SCAP: variants seen among roughly 807,000 people sequenced by gnomAD.
The protein encoded by SCAP is SREBF chaperone.
In SCAP, 65 loss-of-function variants were observed where a neutral mutation model predicts 123.6. The observed-to-expected ratio is 0.53, with a 90% CI of 0.43 to 0.65. The LOEUF (loss-of-function observed/expected upper bound fraction) is 0.65, where lower values mean the gene tolerates loss of function less well. SCAP is among the 30% of genes least tolerant of loss of function. The pLI, the probability that SCAP is intolerant of heterozygous loss-of-function variation, is 0.00. For synonymous variants in SCAP, 740 were observed against 726.3 expected, an observed-to-expected ratio of 1.02 and a Z score of -0.30; for missense variants, 1,398 against 1,712.5, an observed-to-expected ratio of 0.82 and a Z score of 3.24.
intron 1 of SCAP, among the ~76,000 whole-genome samples, chr3:47,445,664 C>G (rs1271479611): frequency 6.6e-6 from 1 of 151,778 alleles, no homozygotes; most frequent in Non-Finnish European, 1.5e-5. Flanking sequence ...CTCCGCCTTC[C>G]GGTGGTTCAA....
At chr3:47,424,127 TC>T in intron 8 of SCAP, 82 bp from the exon 9 acceptor site, 1 of 1,029,720 alleles carries the variant, frequency 9.7e-7, no homozygotes, top group Non-Finnish European at 1.5e-6. Flanking sequence ...CTGTGGGGTT[TC>T]CAGCCTGTCA....
rs1705808964 is a variant in SCAP, at chr3:47,419,786, G to A, written c.1564-82C>T. 1 of 1,466,166 alleles carries A rather than the reference G, an allele frequency of 6.8e-7. No individual in the cohort carries two copies. Among genetic ancestry groups the A allele is most frequent in the Admixed American group, 2.4e-5 (1 of 41,534 alleles). The allele number at this position is 1,466,166 out of a possible 1,614,324, so 90.8% of individuals were successfully genotyped here. On this transcript the variant is annotated intron_variant, in intron 12 of 22. Coordinates refer to ENST00000265565, the MANE Select transcript of SCAP (RefSeq NM_012235.4). This position sits in a 1 kb window ranked among gnomAD's most constrained non-coding sequence, Gnocchi z 5.0. ...TCAGCCCTCATGCTGAGAGGAAGCA[G>A]CACAGGGACCTCAGGCCTGGGGATG...
At chr3:47,452,318 G>A (rs1460815264) in intron 1 of SCAP, among the ~76,000 whole-genome samples, 1 of 152,162 alleles carries the variant, frequency 6.6e-6, no homozygotes, top group East Asian at 1.9e-4. Flanking sequence ...GAGCCCAGGA[G>A]TTTGATGCCA....
At chr3:47,434,290 G>C (rs771568085) in intron 3 of SCAP, among the ~76,000 whole-genome samples, 1 of 152,100 alleles carries the variant, frequency 6.6e-6, no homozygotes, top group African/African-American at 2.4e-5. Flanking sequence ...CGAATCCAGG[G>C]ACCACAGAAC....
chr3:47,447,836 G>A (rs995731463), intron 1 of SCAP, among the ~76,000 whole-genome samples: 11 of 151,506 alleles, frequency 7.3e-5, no homozygotes, highest in South Asian at 4.2e-4. Flanking sequence ...GTGAAACCCC[G>A]TCTCTATGAA....
chr3:47,442,013 T>C (rs952064787), intron 2 of SCAP, among the ~76,000 whole-genome samples: 3 of 150,940 alleles, frequency 2.0e-5, no homozygotes, highest in Non-Finnish European at 2.9e-5. Context: ...CCAAAGTTCA[T>C]CTTTCTTACT....
chr3:47,418,203 C>A lies in SCAP; in HGVS notation c.2378G>T (p.Cys793Phe). 6.3e-7 allele frequency: 1 copy of A among 1,575,264 alleles called. No homozygotes were observed. Among genetic ancestry groups the A allele is most frequent in the Non-Finnish European group, 8.6e-7 (1 of 1,161,136 alleles). Reference protein sequence around the residue: ...ASDGMLLVSCCLAGHVCVWDA... With the variant: ...ASDGMLLVSCFLAGHVCVWDA... The stretch of plus-strand genomic sequence containing the variant: ...CCACACGCAGACGTGGCCTGCCAGG[C>A]AGCAGCTCACCAGCAGCATGCCGTC... The change falls in exon 16 of 23, where the codon TGC becomes TTC. Residue 793 changes from cysteine to phenylalanine, a missense_variant. By Grantham distance (205) the Cys-to-Phe change is radical. Coordinates refer to ENST00000265565, the MANE Select transcript of SCAP (RefSeq NM_012235.4).
rs550800214 is a variant in SCAP at position 47,422,583 on chromosome 3, C to T, written c.1151-47G>A. 24 of 1,473,072 alleles carry T rather than the reference C, an allele frequency of 1.6e-5. No individual in the cohort carries two copies. The African/African-American group carries it at 1.7e-4, about 10-fold the overall frequency. 91.3% of individuals were successfully genotyped at this position (1,473,072 alleles called of 1,614,324 possible). A position where few individuals can be genotyped will look rare whatever the true frequency, so the allele number is the denominator to read the frequency against. On this transcript the variant is annotated intron_variant, in intron 9 of 22. Coordinates refer to ENST00000265565, the MANE Select transcript of SCAP (RefSeq NM_012235.4). Reference sequence around the variant, plus strand: ...CACAGGGCAACACATGGCCACTCTGCGACATGACTCACACAACCTCATGGG... The same window carrying T: ...CACAGGGCAACACATGGCCACTCTGTGACATGACTCACACAACCTCATGGG...
rs765676999 is a variant in SCAP, at chr3:47,420,740, C to T, written c.1377G>A (p.Glu459=). Residue 459 remains glutamate, a synonymous_variant, in exon 12 of 23, where the codon GAG becomes GAA. Transcript: ENST00000265565. This position sits in a 1 kb window ranked among gnomAD's most constrained non-coding sequence, Gnocchi z 5.0. ...CTGGCTTGGCTGAGGGCAGGCAGGC[C>T]TCAGGGGGCAGTCGCTTGTTCAGGT... is the stretch of plus-strand genomic sequence containing the variant. The part of the protein sequence containing the change: ...LADLNKRLPP[E]ACLPSAKPVG... 1.2e-6 allele frequency: 2 copies of T among 1,610,954 alleles called. No individual in the cohort carries two copies. The highest frequency in any genetic ancestry group is 1.7e-6 in the Non-Finnish European group (2 of 1,179,948).
chr3:47,431,300 C>T (rs1261231774), intron 3 of SCAP, among the ~76,000 whole-genome samples: 2 of 1,518 alleles, frequency 1.3e-3, no homozygotes, highest in East Asian at 0.12. Context: ...TCTTAATGTA[C>T]GTGAATTTTT....
Position 47,458,874 on chromosome 3 carries a change from C to T in SCAP, c.-98-15783G>A, listed in dbSNP as rs545011894. Among the ~76,000 whole-genome samples, 25 of 152,334 alleles carry T rather than the reference C, an allele frequency of 1.6e-4. No homozygotes were observed. In the South Asian group the frequency reaches 1.7e-3, roughly 10 times the overall value. ...AGGCTGACGTGCAACGGCGTGATCT[C>T]GGCTCACTGCAACCTCAGCCTCCTG... On this transcript the variant is annotated intron_variant, in intron 1 of 22. Transcript: ENST00000265565.
At chr3:47,433,712 C>T (rs1189988971) in intron 3 of SCAP, among the ~76,000 whole-genome samples, 3 of 151,928 alleles carry the variant, frequency 2.0e-5, no homozygotes, top group Non-Finnish European at 4.4e-5. Context: ...ACTAAAAATA[C>T]AAAAATTAGC....
chr3:47,443,304 T>TCC lies in SCAP; in HGVS notation c.-98-214_-98-213insGG, dbSNP rs1706891767. ...CTCTCTCTCTCTCTCTCTCTCTCTC[T>TCC]CTCTCTCCCTCCCCGCCCAACTCCC... On this transcript the variant is annotated intron_variant, in intron 1 of 22. Transcript: ENST00000265565. 3.6e-4 allele frequency: 69 copies of TCC among 191,284 alleles called. No individual in the cohort carries two copies. In the Middle Eastern group the frequency reaches 0.01, roughly 28 times the overall value. 11.8% of individuals were successfully genotyped at this position (191,284 alleles called of 1,614,324 possible).
intron 1 of SCAP, among the ~76,000 whole-genome samples, chr3:47,444,445 T>G (rs570682265): frequency 6.6e-5 from 10 of 152,298 alleles, no homozygotes; most frequent in African/African-American, 2.2e-4. Context: ...AGCAGAAGCG[T>G]TAAGCGCACA....
In SCAP at chr3:47,419,648, G is replaced by T; in HGVS notation, c.1620C>A (p.Arg540=). 1 of 1,564,360 alleles carries T rather than the reference G, an allele frequency of 6.4e-7. No individual in the cohort carries two copies. Residue 540 remains arginine, a synonymous_variant, in exon 13 of 23, where the codon CGC becomes CGA. Coordinates refer to ENST00000265565, the MANE Select transcript of SCAP (RefSeq NM_012235.4). The surrounding 1 kb of genome is among the most constrained non-coding windows in gnomAD (Gnocchi z 5.0). ...CCGTCACCTGGGCAGCGAGGTAGTT[G>T]CGCAGCCCTGCTGGGTCTGTGTATA... ...ILVYTDPAGL[R]NYLAAQVTEQ... is the part of the protein sequence containing the mutation.
chr3:47,459,839 G>A (rs1707563437), intron 1 of SCAP, among the ~76,000 whole-genome samples: 1 of 152,058 alleles, frequency 6.6e-6, no homozygotes, highest in South Asian at 2.1e-4. Context: ...AATTTACCAG[G>A]GCGGAGTTTC....
intron 1 of SCAP, among the ~76,000 whole-genome samples, chr3:47,445,770 C>G (rs1707013545): frequency 6.6e-6 from 1 of 151,636 alleles, no homozygotes; most frequent in African/African-American, 2.4e-5. Flanking sequence ...TGGGGTTTCA[C>G]CATGTTGGCC....
chr3:47,434,463 T>C (rs572019069), intron 3 of SCAP, among the ~76,000 whole-genome samples: 1 of 152,180 alleles, frequency 6.6e-6, no homozygotes, highest in East Asian at 1.9e-4. Context: ...TTTATATCAG[T>C]GTTCGGCCCA....
chr3:47,463,442 C>G (rs574763827), intron 1 of SCAP, among the ~76,000 whole-genome samples: 1 of 152,220 alleles, frequency 6.6e-6, no homozygotes, highest in Non-Finnish European at 1.5e-5. Context: ...TGGCTCGTGC[C>G]TGTAATCCCA....
Sources: gnomAD v4.1 joint callset for allele counts (sites outside exome capture counted in the v4.1 genomes callset) on GRCh38, gnomAD v4.1.1 for gene constraint, Gnocchi (gnomAD v3.1) non-coding constraint, MANE v1.5 for transcripts, NCBI Gene and HGNC (gene_info 2026-07-23, HGNC 2026-07-21) for gene names.